Variants in ASTN2 observed in about 807,000 individuals in gnomAD.
ASTN2 encodes the protein astrotactin 2.
ASTN2 carries 54 observed loss-of-function variants against 139.8 expected under a neutral mutation model. The ratio of observed to expected loss-of-function variants is 0.39; its 90% CI spans 0.31 to 0.48. The LOEUF (loss-of-function observed/expected upper bound fraction) is 0.48, where lower values mean the gene tolerates loss of function less well. Among genes scored for constraint, ASTN2 ranks in the 20% least tolerant of loss-of-function variants. ASTN2 has a pLI of 0.95. For missense variants in ASTN2, 1,565 were observed against 1,725.1 expected (o/e 0.91, Z 1.64); for synonymous variants, 756 against 719.5 (o/e 1.05, Z -0.81).
rs1564277528 is a variant in ASTN2 at position 116,439,193 on chromosome 9, C to CTTT, written c.3782+1415_3782+1416insAAA. 2.4e-4 allele frequency among the ~76,000 whole-genome samples: 25 copies of CTTT among 102,774 alleles called. 2 individuals are homozygous for CTTT. Among genetic ancestry groups the CTTT allele is most frequent in the African/African-American group, 8.9e-4 (24 of 26,922 alleles). The allele number at this position is 102,774 out of a possible 152,430, so 67.4% of individuals were successfully genotyped here. A position where few individuals can be genotyped will look rare whatever the true frequency, so the allele number is the denominator to read the frequency against. Reference sequence around the variant, plus strand: ...TGATGTTGTGTTTTCTATTCAAATACATTTTTTTTTTTTTTTTTTTTTTTT... The same window carrying CTTT: ...TGATGTTGTGTTTTCTATTCAAATACTTTATTTTTTTTTTTTTTTTTTTTTTTT... On this transcript the variant is annotated intron_variant, in intron 22 of 22. Coordinates refer to ENST00000313400, the MANE Select transcript of ASTN2 (RefSeq NM_001365068.1).
chr9:116,905,865 T>C (rs1053666806), intron 10 of ASTN2, among the ~76,000 whole-genome samples: 6 of 106,634 alleles, frequency 5.6e-5, no homozygotes. Flanking sequence ...TTTTTTTTTT[T>C]TGGGGGGGGG....
intron 1 of ASTN2, among the ~76,000 whole-genome samples, chr9:117,339,099 C>CA (rs1815310020): frequency 6.6e-6 from 1 of 152,058 alleles, no homozygotes; most frequent in Non-Finnish European, 1.5e-5. Flanking sequence ...GTAATGGGCA[C>CA]AGCAGGATTT....
intron 1 of ASTN2, among the ~76,000 whole-genome samples, chr9:117,350,337 T>G (rs1009548431): frequency 1.3e-5 from 2 of 151,960 alleles, no homozygotes; most frequent in African/African-American, 4.8e-5. Flanking sequence ...TTTCTTGAGG[T>G]CAGGAGTTTG....
chr9:116,529,913 C>A (rs10983218), intron 19 of ASTN2, among the ~76,000 whole-genome samples: 30,923 of 151,252 alleles, frequency 0.2, 3,307 homozygotes, highest in Non-Finnish European at 0.23. Flanking sequence ...TATAAATCAC[C>A]CAGTCTCAGG....
chr9:116,869,800 T>C (rs1833109197), intron 10 of ASTN2, among the ~76,000 whole-genome samples: 1 of 152,330 alleles, frequency 6.6e-6, no homozygotes, highest in East Asian at 1.9e-4. Flanking sequence ...AATGTAGCTA[T>C]GTTTCAATAA....
intron 16 of ASTN2, among the ~76,000 whole-genome samples, chr9:116,667,906 A>G (rs1390498940): frequency 1.3e-5 from 2 of 150,062 alleles, no homozygotes; most frequent in African/African-American, 4.9e-5. Context: ...ATGAACGTAC[A>G]CTGACATATC....
At chr9:116,930,846 G>T (rs545845476) in intron 10 of ASTN2, among the ~76,000 whole-genome samples, 1 of 151,190 alleles carries the variant, frequency 6.6e-6, no homozygotes, top group African/African-American at 2.4e-5. Context: ...CACTTCCCCC[G>T]CCCCTCCATT....
intron 5 of ASTN2, among the ~76,000 whole-genome samples, chr9:117,054,559 T>C (rs1184244822): frequency 6.6e-6 from 1 of 152,020 alleles, no homozygotes; most frequent in Non-Finnish European, 1.5e-5. Flanking sequence ...GATTCAGGGG[T>C]CATAGAATGA....
intron 13 of ASTN2, among the ~76,000 whole-genome samples, chr9:116,797,513 C>G (rs190353956): frequency 1.4e-4 from 22 of 152,256 alleles, no homozygotes; most frequent in African/African-American, 5.3e-4. Context: ...TAAGATCTTG[C>G]CAATGGTCCC....
At chr9:117,115,057 A>G (rs1185774983) in intron 4 of ASTN2, among the ~76,000 whole-genome samples, 2 of 152,112 alleles carry the variant, frequency 1.3e-5, no homozygotes, top group Non-Finnish European at 2.9e-5. Context: ...GCCCTTTACG[A>G]ATTCCTGACC....
At chr9:116,816,760 T>A (rs1831340250) in intron 12 of ASTN2, among the ~76,000 whole-genome samples, 2 of 152,048 alleles carry the variant, frequency 1.3e-5, no homozygotes, top group Admixed American at 1.3e-4. Flanking sequence ...GATGATTTAC[T>A]CTGTTTTGGA....
At chr9:116,803,932 G>A (rs908966944) in intron 13 of ASTN2, among the ~76,000 whole-genome samples, 15 of 151,882 alleles carry the variant, frequency 9.9e-5, no homozygotes, top group African/African-American at 3.6e-4. Flanking sequence ...TCCCACAAGT[G>A]TTGGAATTAC....
chr9:116,521,119 A>C (rs1251090327), intron 19 of ASTN2, among the ~76,000 whole-genome samples: 1 of 149,988 alleles, frequency 6.7e-6, no homozygotes, highest in Non-Finnish European at 1.5e-5. Flanking sequence ...CTATCAAAAT[A>C]CCAACACCAT....
chr9:117,102,261 G>T (rs1226478148), intron 4 of ASTN2, among the ~76,000 whole-genome samples: 2 of 152,140 alleles, frequency 1.3e-5, no homozygotes, highest in African/African-American at 4.8e-5. Context: ...TTTGCTAAGT[G>T]AAAGAAGCCA....
chr9:116,851,470 A>ACATCTATCTATCTATCTATC (rs1231119442), intron 11 of ASTN2, among the ~76,000 whole-genome samples: 1 of 115,624 alleles, frequency 8.6e-6, no homozygotes, highest in African/African-American at 3.2e-5. Context: ...AAATTGCTAA[A>ACATCTATCTATCTATCTATC]CATCTATCTA....
At chr9:116,472,525 T>G (rs1322349641) in intron 20 of ASTN2, among the ~76,000 whole-genome samples, 1 of 152,102 alleles carries the variant, frequency 6.6e-6, no homozygotes, top group Non-Finnish European at 1.5e-5. Flanking sequence ...CCATAAGACT[T>G]TGAATTGCAG....
chr9:116,696,305 G>A (rs545399307), intron 16 of ASTN2, among the ~76,000 whole-genome samples: 6 of 152,160 alleles, frequency 3.9e-5, no homozygotes, highest in African/African-American at 1.2e-4. Flanking sequence ...TTCATTAAAG[G>A]CTTTTTTGGT....
intron 2 of ASTN2, chr9:117,277,081 C>G (rs909323642): frequency 2.0e-5 from 3 of 152,264 alleles, no homozygotes; most frequent in East Asian, 3.9e-4. Flanking sequence ...CCTCTTCCCC[C>G]CTCACTGCTC....
chr9:116,586,412 C>A (rs774217968), intron 19 of ASTN2: 6 of 152,136 alleles, frequency 3.9e-5, no homozygotes, highest in Non-Finnish European at 7.3e-5. Flanking sequence ...CAACAGTGGA[C>A]TGGATAAAGA....
Sources: allele counts gnomAD v4.1 joint callset (sites outside exome capture counted in the v4.1 genomes callset), GRCh38; gene constraint gnomAD v4.1.1; transcripts MANE v1.5; gene names NCBI Gene and HGNC (gene_info 2026-07-23, HGNC 2026-07-21).